C1orf174: variants seen among roughly 807,000 people sequenced by gnomAD.
The protein encoded by C1orf174 is chromosome 1 open reading frame 174.
A neutral mutation model predicts 18.4 loss-of-function variants in C1orf174; 13 were observed. The observed-to-expected ratio is 0.71, with a 90% CI of 0.46 to 1.12. C1orf174 has a LOEUF of 1.12. C1orf174 is among the 50% of genes most tolerant of loss of function. The probability of loss-of-function intolerance (pLI) is 0.00; values close to 1 mark genes in which losing one functional copy is unlikely to be tolerated. For missense variants in C1orf174, 309 were observed against 308.0 expected, an observed-to-expected ratio of 1.00 and a Z score of -0.02; for synonymous variants, 100 against 118.3, an observed-to-expected ratio of 0.85 and a Z score of 1.01.
At chr1:3,895,093 T>C (rs1353489129) in intron 1 of C1orf174, among the ~76,000 whole-genome samples, 1 of 152,138 alleles carries the variant, frequency 6.6e-6, no homozygotes, top group East Asian at 1.9e-4. Context: ...CTGCCCCACC[T>C]CTCCTCCCTG....
chr1:3,893,266 C>A (rs1263766616), intron 1 of C1orf174, among the ~76,000 whole-genome samples: 3 of 152,114 alleles, frequency 2.0e-5, no homozygotes, highest in Non-Finnish European at 4.4e-5. Flanking sequence ...CACCATTTGT[C>A]CTTTAGTGGA....
chr1:3,892,843 G>C (rs772505428), intron 2 of C1orf174, 40 bp downstream of exon 2: 7 of 1,604,238 alleles, frequency 4.4e-6, no homozygotes, highest in Non-Finnish European at 4.3e-6. Flanking sequence ...ATGGACCCTC[G>C]AGTCAGGATC....
intron 2 of C1orf174, chr1:3,891,630 A>G (rs10909821): frequency 0.031 from 30,648 of 986,130 alleles, 1,354 homozygotes; most frequent in African/African-American, 0.2. Flanking sequence ...CTTCACCGGT[A>G]AGTTCAGGAA....
At position 3,900,250 on chromosome 1, in the gene C1orf174, C is replaced by G; in HGVS notation, c.-64G>C. The G allele has an allele frequency of 6.6e-7, 1 of 1,515,744 alleles. No individual in the cohort carries two copies. Among genetic ancestry groups the G allele is most frequent in the East Asian group, 2.6e-5 (1 of 38,908 alleles). 93.9% of individuals were successfully genotyped at this position (1,515,744 alleles called of 1,614,324 possible). On this transcript the variant is annotated 5_prime_UTR_variant, in exon 1 of 4. Coordinates refer to ENST00000361605, the MANE Select transcript of C1orf174 (RefSeq NM_207356.3). ...CAACGCGTCCCGGCGGAGCGGCGAC[C>G]CGGAGTCTGCAGAGCGCGCCGCGGC...
intron 1 of C1orf174, among the ~76,000 whole-genome samples, chr1:3,898,641 A>G (rs1638650861): frequency 6.6e-6 from 1 of 152,228 alleles, no homozygotes; most frequent in Non-Finnish European, 1.5e-5. Flanking sequence ...CACACACACA[A>G]AAACAGCACC....
chr1:3,891,249 A>G, intron 2 of C1orf174, 192 bp from the exon 3 acceptor site: 1 of 667,510 alleles, frequency 1.5e-6, no homozygotes. Context: ...GACACACCCC[A>G]CACCACTCCT....
Position 3,889,390 on chromosome 1 carries a change from T to C in C1orf174, c.*570A>G, listed in dbSNP as rs763550699. The C allele has an allele frequency of 6.5e-6, 1 of 153,982 alleles. No individual in the cohort carries two copies. The highest frequency in any genetic ancestry group is 2.4e-5 in the African/African-American group (1 of 41,448). The allele number at this position is 153,982 out of a possible 1,614,324, so 9.5% of individuals were successfully genotyped here. The stretch of plus-strand genomic sequence containing the variant: ...AGCTGACTCAAGCCATCATCATGTA[T>C]GTACGTGTATAAGAAAGGACACTGG... On this transcript the variant is annotated 3_prime_UTR_variant, in exon 4 of 4. Transcript: ENST00000361605.
At chr1:3,894,926 A>T (rs1428206193) in intron 1 of C1orf174, among the ~76,000 whole-genome samples, 1 of 152,226 alleles carries the variant, frequency 6.6e-6, no homozygotes, top group Non-Finnish European at 1.5e-5. Flanking sequence ...TCACAGTTAC[A>T]CCAAGGGGAC....
intron 2 of C1orf174, 83 bp from the exon 3 acceptor site, chr1:3,891,140 C>G: frequency 6.9e-7 from 1 of 1,457,004 alleles, no homozygotes; most frequent in South Asian, 1.4e-5. Context: ...TATTTCTTCT[C>G]ACATCGGAAA....
rs914639146 is a variant in C1orf174 at position 3,893,901 on chromosome 1, AAAT to A, written c.16-908_16-906del. On this transcript the variant is annotated intron_variant, in intron 1 of 3. Coordinates refer to ENST00000361605, the MANE Select transcript of C1orf174 (RefSeq NM_207356.3). ...ACAGAGTGAGACAGTGTCTCTGAAA[AAAT>A]AATAATAATAAAATAGTACAGGGAG... Among the ~76,000 whole-genome samples the A allele has an allele frequency of 3.9e-5, 6 of 152,310 alleles. 1 individual carries two copies. The highest frequency in any genetic ancestry group is 4.1e-4 in the South Asian group (2 of 4,822).
At chr1:3,897,171 TG>T (rs1454159780) in intron 1 of C1orf174, among the ~76,000 whole-genome samples, 1 of 152,024 alleles carries the variant, frequency 6.6e-6, no homozygotes, top group Non-Finnish European at 1.5e-5. Context: ...GCTCATACAC[TG>T]GAATAAAAGC....
Position 3,890,886 on chromosome 1 carries a change from C to A in C1orf174, c.301G>T (p.Ala101Ser), listed in dbSNP as rs10909820. The A allele has an allele frequency of 9.8e-3, 15,743 of 1,613,938 alleles. 963 individuals are homozygous for A. The East Asian group carries it at 0.13, about 13-fold the overall frequency. Reference protein sequence around the residue: ...PCENEFAEGSALLPGSEAGVS... With the variant: ...PCENEFAEGSSLLPGSEAGVS... ...CCAGCCTCGCTGCCTGGAAGCAAGG[C>A]ACTGCCTTCAGCAAACTCATTTTCA... Residue 101 changes from alanine to serine, a missense_variant, in exon 3 of 4, where the codon GCC (alanine) becomes TCC (serine). Coordinates refer to ENST00000361605, the MANE Select transcript of C1orf174 (RefSeq NM_207356.3).
In C1orf174 at chr1:3,900,230, C is replaced by G. The variant is rs1405117062; in HGVS notation, c.-44G>C. On this transcript the variant is annotated 5_prime_UTR_variant, in exon 1 of 4. Transcript: ENST00000361605. ...CAAGCACCGCGCGCCCCGGCCAACG[C>G]GTCCCGGCGGAGCGGCGACCCGGAG... 3.2e-6 allele frequency: 5 copies of G among 1,548,074 alleles called. No individual in the cohort carries two copies. The highest frequency in any genetic ancestry group is 3.9e-5 in the Admixed American group (2 of 51,252).
intron 1 of C1orf174, among the ~76,000 whole-genome samples, chr1:3,894,550 T>C (rs1638570503): frequency 7.1e-6 from 1 of 140,968 alleles, no homozygotes; most frequent in Admixed American, 7.7e-5. Flanking sequence ...GAGCTTGCAG[T>C]GAGCCGAGAT....
chr1:3,890,927 G>A lies in C1orf174; in HGVS notation c.260C>T (p.Thr87Ile), dbSNP rs1293477362. The change falls in exon 3 of 4, where the codon ACA becomes ATA. Residue 87 changes from threonine (T) to isoleucine (I), a missense_variant. Transcript: ENST00000361605. ...KNDSASLPKV[T>I]PETPCENEFA... is the part of the protein sequence containing the mutation. ...CTCATTTTCACAAGGGGTCTCAGGT[G>A]TCACTTTTGGCAAAGAAGCGCTGTC... The A allele has an allele frequency of 6.2e-7, 1 of 1,614,000 alleles. No homozygotes were observed. Among genetic ancestry groups the A allele is most frequent in the Non-Finnish European group, 8.5e-7 (1 of 1,180,060 alleles).
chr1:3,895,757 C>A (rs1056444766), intron 1 of C1orf174: 1 of 152,272 alleles, frequency 6.6e-6, no homozygotes, highest in African/African-American at 2.4e-5. Flanking sequence ...GCAGCTTGGA[C>A]TGCTCCCACA....
In C1orf174 at chr1:3,889,830, T is replaced by C; in HGVS notation, c.*130A>G. 1 of 849,752 alleles carries C rather than the reference T, an allele frequency of 1.2e-6. No individual in the cohort carries two copies. Among genetic ancestry groups the C allele is most frequent in the Middle Eastern group, 2.5e-4 (1 of 4,030 alleles). The allele number at this position is 849,752 out of a possible 1,614,324, so 52.6% of individuals were successfully genotyped here. A position where few individuals can be genotyped will look rare whatever the true frequency, so the allele number is the denominator to read the frequency against. ...TATTGGGTGCTTTGCACTATTGACT[T>C]AGATGGGTCAGTTCTGAAGTTTGAT... On this transcript the variant is annotated 3_prime_UTR_variant, in exon 4 of 4. Coordinates refer to ENST00000361605, the MANE Select transcript of C1orf174 (RefSeq NM_207356.3).
chr1:3,891,606 G>A (rs1638516633), intron 2 of C1orf174: 8 of 986,330 alleles, frequency 8.1e-6, no homozygotes, highest in Non-Finnish European at 8.4e-6. Flanking sequence ...TGTAGGCTCC[G>A]TGAAGCGGCT....
chr1:3,890,832 G>C lies in C1orf174; in HGVS notation c.355C>G (p.Leu119Val), dbSNP rs1175586727. Residue 119 changes from leucine (L) to valine (V), a missense_variant, in exon 3 of 4, where the codon CTT becomes GTT. Physicochemically the swap from Leu to Val is conservative, Grantham distance 32. Coordinates refer to ENST00000361605, the MANE Select transcript of C1orf174 (RefSeq NM_207356.3). ...GVSVQQGAAS[L>V]PLGGCRVVSD... Reference sequence around the variant, plus strand: ...ACAACTCTGCAGCCACCGAGAGGAAGACTTGCAGCCCCCTGCTGCACAGAA... The same window carrying C: ...ACAACTCTGCAGCCACCGAGAGGAACACTTGCAGCCCCCTGCTGCACAGAA... The C allele has an allele frequency of 6.2e-7, 1 of 1,613,494 alleles. No homozygotes were observed. The highest frequency in any genetic ancestry group is 8.5e-7 in the Non-Finnish European group (1 of 1,180,032).
Sources: allele counts gnomAD v4.1 joint callset (sites outside exome capture counted in the v4.1 genomes callset), GRCh38; gene constraint gnomAD v4.1.1; transcripts MANE v1.5; gene names NCBI Gene and HGNC (gene_info 2026-07-23, HGNC 2026-07-21).